Variants in PARP9 observed in about 807,000 individuals in gnomAD.
PARP9 encodes protein mono-ADP-ribosyltransferase PARP9.
A neutral mutation model predicts 68.8 loss-of-function variants in PARP9; 48 were observed. That is an observed-to-expected ratio of 0.70 (90% CI 0.55 to 0.89). The LOEUF is 0.89. Among genes scored for constraint, PARP9 ranks in the 40% least tolerant of loss-of-function variants. PARP9 has a pLI of 0.00. For missense variants in PARP9, 806 were observed against 969.3 expected (o/e 0.83, Z 2.24); for synonymous variants, 309 against 333.8 (o/e 0.93, Z 0.81).
intron 10 of PARP9, chr3:122,535,776 G>A: frequency 9.9e-7 from 1 of 1,012,650 alleles, no homozygotes; most frequent in Non-Finnish European, 1.2e-6. Context: ...TTGGGAAAAT[G>A]CCCTTTTAAT....
intron 7 of PARP9, among the ~76,000 whole-genome samples, chr3:122,541,819 G>C (rs2078251779): frequency 6.6e-6 from 1 of 152,196 alleles, no homozygotes; most frequent in Non-Finnish European, 1.5e-5. Flanking sequence ...AAGCTAGTAG[G>C]TATGGGCATC....
At chr3:122,548,463 T>A (rs1257432442) in intron 6 of PARP9, among the ~76,000 whole-genome samples, 1 of 152,194 alleles carries the variant, frequency 6.6e-6, no homozygotes, top group Non-Finnish European at 1.5e-5. Context: ...GAAACCTATA[T>A]CTTGAAAACC....
chr3:122,544,120 T>G (rs2078496003), intron 7 of PARP9, among the ~76,000 whole-genome samples: 2 of 152,228 alleles, frequency 1.3e-5, no homozygotes, highest in African/African-American at 4.8e-5. Flanking sequence ...AAACATGCAC[T>G]GGATTTCTTT....
In PARP9 at chr3:122,528,213, G is replaced by A. The variant is rs2077068613; in HGVS notation, c.*151C>T. 1.0e-6 allele frequency: 1 copy of A among 969,996 alleles called. No homozygotes were observed. Among genetic ancestry groups the A allele is most frequent in the South Asian group, 1.8e-5 (1 of 56,190 alleles). 60.1% of individuals were successfully genotyped at this position (969,996 alleles called of 1,614,324 possible). ...TAAAGACAGATAAAGGCACTAAGAT[G>A]CTAGTATGTGGCTAGTCCTTTCAAT... On this transcript the variant is annotated 3_prime_UTR_variant, in exon 11 of 11. Coordinates refer to ENST00000682323, the MANE Select transcript of PARP9 (RefSeq NM_001146105.2).
At chr3:122,552,307 A>G in intron 5 of PARP9, 111 bp downstream of exon 5, 1 of 807,320 alleles carries the variant, frequency 1.2e-6, no homozygotes, top group South Asian at 1.9e-5. Context: ...TGAGAACTAT[A>G]CCACTTGACA....
intron 1 of PARP9, among the ~76,000 whole-genome samples, chr3:122,560,772 G>T (rs1212665589): frequency 3.3e-5 from 5 of 152,204 alleles, no homozygotes; most frequent in African/African-American, 1.2e-4. Flanking sequence ...TCAAGGGAAA[G>T]CAGCAGGTCT....
At chr3:122,564,186 C>G (rs1352021961) in intron 1 of PARP9, 59 bp downstream of exon 1, 1 of 495,188 alleles carries the variant, frequency 2.0e-6, no homozygotes, top group African/African-American at 2.0e-5. Context: ...TTCTCCCCGC[C>G]CACCTCGAGC....
chr3:122,540,634 T>C lies in PARP9; in HGVS notation c.1603A>G (p.Ser535Gly), dbSNP rs1294394958. 3 of 1,614,064 alleles carry C rather than the reference T, an allele frequency of 1.9e-6. No individual in the cohort carries two copies. Among genetic ancestry groups the C allele is most frequent in the Admixed American group, 1.7e-5 (1 of 60,006 alleles). ...CTGATAATTTCTGTGATGGAGACAC[T>C]TGAAGTTTTCTGAAGCTGAGACAAA... ...DILSQLQKTS[S>G]VSITEIISPG... The change falls in exon 8 of 11, where the codon AGT becomes GGT. Residue 535 changes from serine to glycine, a missense_variant. Physicochemically the swap from Ser to Gly is moderately conservative, Grantham distance 56 (BLOSUM62 0). Transcript: ENST00000682323.
At chr3:122,560,768 G>A (rs1411865073) in intron 1 of PARP9, among the ~76,000 whole-genome samples, 3 of 152,178 alleles carry the variant, frequency 2.0e-5, no homozygotes, top group African/African-American at 7.2e-5. Context: ...CTCATCAAGG[G>A]AAAGCAGCAG....
rs1414115375 is a variant in PARP9 at position 122,545,449 on chromosome 3, C to T, written c.1367G>A (p.Ser456Asn). The change falls in exon 7 of 11, where the codon AGT becomes AAT. Residue 456 changes from serine to asparagine, a missense_variant. By Grantham distance (46) the Ser-to-Asn change is conservative. This residue lies in a region of PARP9 where 680 missense variants were observed against 858.8 expected (regional missense o/e 0.79). Coordinates refer to ENST00000682323, the MANE Select transcript of PARP9 (RefSeq NM_001146105.2). Reference protein sequence around the residue: ...SEMAKRSKMLSLNNYSVPQST... With the variant: ...SEMAKRSKMLNLNNYSVPQST... Reference sequence around the variant, plus strand: ...TTACTCACCACTGTAATTGTTCAAACTCAGCATCTTGGACCTCTTTGCCAT... The same window carrying T: ...TTACTCACCACTGTAATTGTTCAAATTCAGCATCTTGGACCTCTTTGCCAT... The T allele has an allele frequency of 1.4e-5, 22 of 1,614,116 alleles. No individual in the cohort carries two copies. The highest frequency in any genetic ancestry group is 1.7e-5 in the Non-Finnish European group (20 of 1,180,046).
intron 10 of PARP9, among the ~76,000 whole-genome samples, chr3:122,530,896 C>T (rs1410359499): frequency 6.6e-6 from 1 of 152,146 alleles, no homozygotes; most frequent in African/African-American, 2.4e-5. Context: ...GACCCAATCT[C>T]TACCAAAAAT....
At chr3:122,564,690 C>T (rs1351598422), upstream of PARP9, 3 of 1,518,110 alleles carry the variant, frequency 2.0e-6, no homozygotes, top group Non-Finnish European at 2.7e-6. Context: ...CCAGTTCCAG[C>T]TGACCTAGGG....
At chr3:122,536,748 C>G in intron 9 of PARP9, 186 bp downstream of exon 9, 1 of 651,514 alleles carries the variant, frequency 1.5e-6, no homozygotes, top group Non-Finnish European at 2.5e-6. Context: ...GTCATTCCTA[C>G]CTCCCGATTC....
intron 8 of PARP9, among the ~76,000 whole-genome samples, chr3:122,538,046 AC>A (rs1405032733): frequency 6.6e-6 from 1 of 152,210 alleles, no homozygotes; most frequent in African/African-American, 2.4e-5. Flanking sequence ...GCTCAATTTA[AC>A]CACAAAAAGC....
chr3:122,540,237 C>T (rs139096279), intron 8 of PARP9, among the ~76,000 whole-genome samples: 298 of 152,294 alleles, frequency 2.0e-3, no homozygotes, highest in Non-Finnish European at 3.7e-3. Flanking sequence ...CTTAGACAAT[C>T]AAGGTTATTA....
upstream of PARP9, chr3:122,564,609 G>A: frequency 6.3e-7 from 1 of 1,589,932 alleles, no homozygotes. Flanking sequence ...TCAGTGAAAG[G>A]GCAGGTGAGC....
chr3:122,534,857 C>A (rs778017523), intron 10 of PARP9: 8 of 897,328 alleles, frequency 8.9e-6, no homozygotes, highest in Non-Finnish European at 1.1e-5. Flanking sequence ...GCCTGAGTGA[C>A]AGAGCAAGAC....
intron 9 of PARP9, chr3:122,536,705 G>C: frequency 3.6e-6 from 2 of 563,122 alleles, no homozygotes. Flanking sequence ...CGGGCTTCCT[G>C]GATCTGGAAT....
chr3:122,550,515 C>T (rs1296969893), intron 6 of PARP9, 69 bp downstream of exon 6: 4 of 1,282,346 alleles, frequency 3.1e-6, no homozygotes, highest in Admixed American at 3.9e-5. Context: ...ATTGTAGATA[C>T]TAAACAGATG....
Sources: gnomAD v4.1 joint callset for allele counts (sites outside exome capture counted in the v4.1 genomes callset) on GRCh38, gnomAD v4.1.1 for gene constraint, gnomAD v4.1.1 regional missense constraint, MANE v1.5 for transcripts, NCBI Gene and HGNC (gene_info 2026-07-23, HGNC 2026-07-21) for gene names.